RANBP17: variants seen among roughly 807,000 people sequenced by gnomAD.
RANBP17 encodes RAN binding protein 17.
In RANBP17, 158 loss-of-function variants were observed where a neutral mutation model predicts 141.2. The observed-to-expected ratio is 1.12, with a 90% CI of 0.98 to 1.28. RANBP17 has a LOEUF of 1.28. Among genes scored for constraint, RANBP17 ranks in the 50% most tolerant of loss-of-function variants. The probability of loss-of-function intolerance (pLI) is 0.00; values close to 1 mark genes in which losing one functional copy is unlikely to be tolerated. For missense variants in RANBP17, 1,438 were observed against 1,290.7 expected (o/e 1.11, Z -1.75); for synonymous variants, 430 against 450.0 (o/e 0.96, Z 0.56).
At chr5:171,270,728 T>A (rs1005145774) in intron 25 of RANBP17, among the ~76,000 whole-genome samples, 3 of 152,172 alleles carry the variant, frequency 2.0e-5, no homozygotes, top group African/African-American at 7.2e-5. Context: ...CTCAGAGATA[T>A]GAGTAATTCC....
At chr5:171,101,063 G>C (rs751376455) in intron 14 of RANBP17, among the ~76,000 whole-genome samples, 17 of 152,158 alleles carry the variant, frequency 1.1e-4, no homozygotes, top group Non-Finnish European at 1.8e-4. Flanking sequence ...ATGCTGAGAA[G>C]AATGTATATT....
At chr5:171,229,138 G>A (rs1278008897) in intron 22 of RANBP17, among the ~76,000 whole-genome samples, 2 of 152,188 alleles carry the variant, frequency 1.3e-5, no homozygotes, top group South Asian at 2.1e-4. Flanking sequence ...AACAGTTCTC[G>A]AGAGAATAGA....
At chr5:171,012,339 T>G (rs1780115858) in intron 14 of RANBP17, among the ~76,000 whole-genome samples, 1 of 152,148 alleles carries the variant, frequency 6.6e-6, no homozygotes, top group African/African-American at 2.4e-5. Flanking sequence ...TTAGCTGGTC[T>G]TACATGAAGG....
chr5:170,894,137 A>G (rs1053172278), intron 4 of RANBP17, among the ~76,000 whole-genome samples: 34 of 152,170 alleles, frequency 2.2e-4, no homozygotes, highest in African/African-American at 8.2e-4. Context: ...GGGCAGAAGG[A>G]TAGTTTATTC....
intron 12 of RANBP17, among the ~76,000 whole-genome samples, chr5:170,941,857 A>G (rs942198993): frequency 6.6e-6 from 1 of 152,186 alleles, no homozygotes; most frequent in Non-Finnish European, 1.5e-5. Context: ...AATTTGGTGT[A>G]GTCTTGTAAA....
intron 3 of RANBP17, among the ~76,000 whole-genome samples, chr5:170,883,553 T>G (rs796175453): frequency 6.6e-6 from 1 of 152,190 alleles, no homozygotes; most frequent in Non-Finnish European, 1.5e-5. Flanking sequence ...AATATAGTAT[T>G]ATACAGAATA....
At chr5:170,962,802 G>A (rs535151221) in intron 13 of RANBP17, among the ~76,000 whole-genome samples, 16 of 152,132 alleles carry the variant, frequency 1.1e-4, no homozygotes, top group African/African-American at 3.9e-4. Flanking sequence ...GTATGCAAAG[G>A]GTACTTTTAA....
chr5:171,091,931 G>A (rs1187928910), intron 14 of RANBP17, among the ~76,000 whole-genome samples: 3 of 152,124 alleles, frequency 2.0e-5, no homozygotes, highest in Non-Finnish European at 4.4e-5. Context: ...TAATACACCA[G>A]CTTTTCATAT....
At chr5:171,243,492 A>G (rs552492072) in intron 24 of RANBP17, among the ~76,000 whole-genome samples, 2 of 152,192 alleles carry the variant, frequency 1.3e-5, no homozygotes, top group African/African-American at 4.8e-5. Context: ...TTCCTATACA[A>G]GTATTTATGT....
chr5:170,916,444 A>G, intron 8 of RANBP17, 21 bp from the exon 9 acceptor site: 2 of 1,509,690 alleles, frequency 1.3e-6, no homozygotes, highest in Non-Finnish European at 1.8e-6. Flanking sequence ...ATTGAAATGA[A>G]ATTTTTTTGG....
chr5:171,220,218 G>T (rs1217296945), intron 21 of RANBP17, among the ~76,000 whole-genome samples: 1 of 152,076 alleles, frequency 6.6e-6, no homozygotes, highest in Non-Finnish European at 1.5e-5. Flanking sequence ...CACCAGTGGA[G>T]GCTGCAGAAC....
At chr5:170,967,109 G>A (rs554160254) in intron 13 of RANBP17, among the ~76,000 whole-genome samples, 1 of 152,252 alleles carries the variant, frequency 6.6e-6, no homozygotes, top group East Asian at 1.9e-4. Flanking sequence ...CTTCAGAAGA[G>A]AATGAGGAAC....
chr5:170,886,140 C>T (rs1006665888), intron 3 of RANBP17, among the ~76,000 whole-genome samples: 2 of 151,986 alleles, frequency 1.3e-5, no homozygotes, highest in Admixed American at 6.6e-5. Context: ...CCGTGTGTAC[C>T]GTGTATGACC....
At chr5:170,889,928 C>T (rs1459673076) in intron 3 of RANBP17, among the ~76,000 whole-genome samples, 5 of 152,114 alleles carry the variant, frequency 3.3e-5, no homozygotes, top group African/African-American at 1.2e-4. Context: ...GTGTAAAAAG[C>T]ATAACATGAG....
At chr5:170,920,673 T>G (rs562421605) in intron 11 of RANBP17, among the ~76,000 whole-genome samples, 1 of 152,192 alleles carries the variant, frequency 6.6e-6, no homozygotes, top group Admixed American at 6.5e-5. Flanking sequence ...TCTTGCCACG[T>G]TGTCTTCTAC....
In RANBP17 at chr5:170,953,815, T is replaced by A. The variant is rs113497253; in HGVS notation, c.1574+113T>A. On this transcript the variant is annotated intron_variant, in intron 13 of 27. Coordinates refer to ENST00000523189, the MANE Select transcript of RANBP17 (RefSeq NM_022897.5). ...TGTATGTGGCCTTTTGAGGAAGGTA[T>A]TATTTCCCTTTTTATTGGTGAGAAA... 7.0e-5 allele frequency: 47 copies of A among 669,322 alleles called. No homozygotes were observed. In the African/African-American group the frequency reaches 8.2e-4, roughly 12 times the overall value. 41.5% of individuals were successfully genotyped at this position (669,322 alleles called of 1,614,324 possible).
At chr5:171,224,604 CTA>C (rs1464844275) in intron 22 of RANBP17, among the ~76,000 whole-genome samples, 1 of 151,946 alleles carries the variant, frequency 6.6e-6, no homozygotes, top group Non-Finnish European at 1.5e-5. Flanking sequence ...AGAAAAATAA[CTA>C]TGTGAGGATT....
intron 13 of RANBP17, among the ~76,000 whole-genome samples, chr5:170,954,569 A>G (rs1179939857): frequency 2.6e-5 from 3 of 117,196 alleles, no homozygotes; most frequent in Non-Finnish European, 5.4e-5. Flanking sequence ...ACCCACCTCA[A>G]CACCACTTTT....
At chr5:171,194,540 G>A (rs1272212025) in intron 18 of RANBP17, among the ~76,000 whole-genome samples, 1 of 152,076 alleles carries the variant, frequency 6.6e-6, no homozygotes, top group Non-Finnish European at 1.5e-5. Flanking sequence ...TTAATACTTT[G>A]TTCCTTTTTA....
Sources: gnomAD v4.1 joint callset for allele counts (sites outside exome capture counted in the v4.1 genomes callset) on GRCh38, gnomAD v4.1.1 for gene constraint, MANE v1.5 for transcripts, NCBI Gene and HGNC (gene_info 2026-07-23, HGNC 2026-07-21) for gene names.